The following GPR158 variants were observed in gnomAD, a reference collection of about 807,000 sequenced individuals.
GPR158 encodes G protein-coupled receptor 158.
A neutral mutation model predicts 78.2 loss-of-function variants in GPR158; 30 were observed. The ratio of observed to expected loss-of-function variants is 0.38; its 90% confidence interval spans 0.29 to 0.52. The LOEUF (loss-of-function observed/expected upper bound fraction) is 0.52. GPR158 is among the 20% of genes least tolerant of loss of function. The pLI is 0.83. For synonymous variants in GPR158, 581 were observed against 591.1 expected (o/e 0.98, Z 0.25); for missense variants, 1,463 against 1,523.5 (o/e 0.96, Z 0.66).
intron 5 of GPR158, among the ~76,000 whole-genome samples, chr10:25,480,009 TTTTTG>T (rs1264128500): frequency 1.3e-5 from 2 of 152,094 alleles, no homozygotes; most frequent in Admixed American, 6.6e-5. Flanking sequence ...CTCTCCAATG[TTTTTG>T]TTTTATTTTC....
chr10:25,322,077 G>T (rs1854956967), intron 2 of GPR158, among the ~76,000 whole-genome samples: 1 of 152,036 alleles, frequency 6.6e-6, no homozygotes, highest in African/African-American at 2.4e-5. Flanking sequence ...TATTACTGGA[G>T]ATTTCTTAGA....
chr10:25,486,613 C>T (rs1251700386), intron 5 of GPR158, among the ~76,000 whole-genome samples: 2 of 152,106 alleles, frequency 1.3e-5, no homozygotes, highest in Non-Finnish European at 2.9e-5. Flanking sequence ...ACCTCACCCT[C>T]AAGTTTCTGA....
chr10:25,418,595 T>C (rs1834697744), intron 4 of GPR158, among the ~76,000 whole-genome samples: 1 of 150,858 alleles, frequency 6.6e-6, no homozygotes, highest in African/African-American at 2.4e-5. Flanking sequence ...TCTACATTTT[T>C]TACTAAATAT....
intron 4 of GPR158, among the ~76,000 whole-genome samples, chr10:25,437,370 T>C (rs1353252096): frequency 6.7e-6 from 1 of 149,308 alleles, no homozygotes; most frequent in Non-Finnish European, 1.5e-5. Flanking sequence ...GGACTACAGG[T>C]GCACATCGCC....
chr10:25,296,474 TCTTTCTATC>T (rs879755561), intron 2 of GPR158, among the ~76,000 whole-genome samples: 4,005 of 151,926 alleles, frequency 0.026, 174 homozygotes, highest in African/African-American at 0.092. Flanking sequence ...CATCTGTCTG[TCTTTCTATC>T]TATATCTAAT....
chr10:25,368,136 A>T (rs916723423), intron 2 of GPR158, among the ~76,000 whole-genome samples: 1 of 151,868 alleles, frequency 6.6e-6, no homozygotes, highest in African/African-American at 2.4e-5. Context: ...AGCTCTCTGG[A>T]TGAAGTACTG....
chr10:25,396,271 G>A (rs184028204), intron 3 of GPR158, among the ~76,000 whole-genome samples: 1 of 152,222 alleles, frequency 6.6e-6, no homozygotes, highest in East Asian at 1.9e-4. Context: ...TAGCTATCTG[G>A]TAAGACCAAT....
intron 6 of GPR158, among the ~76,000 whole-genome samples, chr10:25,557,379 G>A (rs1588911267): frequency 2.0e-5 from 3 of 152,064 alleles, no homozygotes; most frequent in Admixed American, 6.5e-5. Context: ...GAGCTCCCTC[G>A]GAATCTTGCA....
chr10:25,355,933 A>G (rs1320726792), intron 2 of GPR158, among the ~76,000 whole-genome samples: 1 of 152,026 alleles, frequency 6.6e-6, no homozygotes, highest in African/African-American at 2.4e-5. Flanking sequence ...TACAGAGCAG[A>G]ATATCCAGGG....
intron 2 of GPR158, among the ~76,000 whole-genome samples, chr10:25,372,197 G>A (rs1282386272): frequency 3.3e-5 from 5 of 151,870 alleles, no homozygotes; most frequent in African/African-American, 4.8e-5. Context: ...TCATTAAAAA[G>A]TCAGGAAACA....
At position 25,237,239 on chromosome 10, in the gene GPR158, G is replaced by A. The variant is rs200904035; in HGVS notation, c.1008+16082G>A. Among the ~76,000 whole-genome samples the A allele has an allele frequency of 1.6e-4, 25 of 152,200 alleles. No homozygotes were observed. The East Asian group carries it at 4.3e-3, about 26-fold the overall frequency. ...ACCAGGTAATCTCATCTTCCTTCAG[G>A]AATGGAAAATTCCAGATAGAACCTG... On this transcript the variant is annotated intron_variant, in intron 2 of 10. Transcript: ENST00000376351.
intron 5 of GPR158, among the ~76,000 whole-genome samples, chr10:25,516,940 G>C (rs1381301312): frequency 6.8e-6 from 1 of 146,946 alleles, no homozygotes; most frequent in Non-Finnish European, 1.5e-5. Context: ...GGATGGCATT[G>C]AATCTGCAAA....
chr10:25,362,900 T>C (rs1855662173), intron 2 of GPR158, among the ~76,000 whole-genome samples: 1 of 151,950 alleles, frequency 6.6e-6, no homozygotes, highest in African/African-American at 2.4e-5. Context: ...TTAATATTAA[T>C]ATAACCACAC....
intron 5 of GPR158, among the ~76,000 whole-genome samples, chr10:25,510,296 A>G (rs1836067883): frequency 6.6e-6 from 1 of 152,258 alleles, no homozygotes. Context: ...ATTTGATAAA[A>G]TAGTTCAAAG....
chr10:25,197,418 G>GA (rs1245213733), intron 1 of GPR158, among the ~76,000 whole-genome samples: 1 of 151,966 alleles, frequency 6.6e-6, no homozygotes, highest in Non-Finnish European at 1.5e-5. Flanking sequence ...TTAGGATCTA[G>GA]AAAAAAATCT....
intron 5 of GPR158, among the ~76,000 whole-genome samples, chr10:25,538,070 A>T (rs1475158059): frequency 6.6e-6 from 1 of 152,122 alleles, no homozygotes; most frequent in African/African-American, 2.4e-5. Context: ...AATGAAAAAA[A>T]TTTTTACCAT....
intron 4 of GPR158, among the ~76,000 whole-genome samples, chr10:25,430,832 C>A (rs1203547038): frequency 6.6e-6 from 1 of 151,378 alleles, no homozygotes; most frequent in Non-Finnish European, 1.5e-5. Flanking sequence ...AAACTGGATC[C>A]CTTCCTTACA....
chr10:25,313,965 C>T (rs938701130), intron 2 of GPR158, among the ~76,000 whole-genome samples: 2 of 152,052 alleles, frequency 1.3e-5, no homozygotes, highest in African/African-American at 4.8e-5. Context: ...GGGCCTGGCA[C>T]TTTTTGGTTT....
At chr10:25,296,402 C>G (rs1021211198) in intron 2 of GPR158, among the ~76,000 whole-genome samples, 1 of 152,048 alleles carries the variant, frequency 6.6e-6, no homozygotes, top group African/African-American at 2.4e-5. Flanking sequence ...AAGTAGCCAA[C>G]CCTATTAGAT....
Sources: gnomAD v4.1 joint callset for allele counts (sites outside exome capture counted in the v4.1 genomes callset) on GRCh38, gnomAD v4.1.1 for gene constraint, MANE v1.5 for transcripts, NCBI Gene and HGNC (gene_info 2026-07-23, HGNC 2026-07-21) for gene names.